Variants in RAPGEF6 observed in about 807,000 individuals in gnomAD.
RAPGEF6 encodes the protein PDZ domain containing guanine nucleotide exchange factor (GEF) 2.
RAPGEF6 carries 56 observed loss-of-function variants against 171.4 expected under a neutral mutation model. The observed-to-expected ratio is 0.33, with a 90% CI of 0.26 to 0.41. The LOEUF is 0.41. RAPGEF6 is among the 10% of genes least tolerant of loss of function. The probability of loss-of-function intolerance (pLI) is 1.00; values close to 1 mark genes in which losing one functional copy is unlikely to be tolerated. For missense variants in RAPGEF6, 1,674 were observed against 1,921.4 expected, an observed-to-expected ratio of 0.87 and a Z score of 2.41; for synonymous variants, 692 against 650.1, an observed-to-expected ratio of 1.06 and a Z score of -0.98.
chr5:131,587,631 T>C lies in RAPGEF6; in HGVS notation c.281+4752A>G, dbSNP rs73788709. Among the ~76,000 whole-genome samples the C allele has an allele frequency of 2.8e-3, 433 of 152,340 alleles. 1 individual carries two copies. The highest frequency in any genetic ancestry group is 9.5e-3 in the African/African-American group (394 of 41,564). On this transcript the variant is annotated intron_variant, in intron 4 of 27. Transcript: ENST00000509018. ...AACAATACTCCAAAATATGGTGCTTTGGCACGGTGAGTTCTTTAAAGGATA... is the reference window on the plus strand; with the variant it reads ...AACAATACTCCAAAATATGGTGCTTCGGCACGGTGAGTTCTTTAAAGGATA...
intron 16 of RAPGEF6, among the ~76,000 whole-genome samples, chr5:131,477,523 CAACT>C (rs978062493): frequency 1.3e-5 from 2 of 152,150 alleles, no homozygotes; most frequent in African/African-American, 4.8e-5. Context: ...TGAAAATACT[CAACT>C]GACTGTTCCT....
intron 6 of RAPGEF6, among the ~76,000 whole-genome samples, chr5:131,535,193 G>C (rs2149931049): frequency 6.6e-6 from 1 of 152,094 alleles, no homozygotes; most frequent in East Asian, 1.9e-4. Flanking sequence ...CGATTCCAGG[G>C]AACTGTATAG....
chr5:131,529,115 C>A (rs1187289496), intron 6 of RAPGEF6, among the ~76,000 whole-genome samples: 4 of 148,332 alleles, frequency 2.7e-5, no homozygotes, highest in Admixed American at 2.7e-4. Context: ...GAAAGAAACC[C>A]AAAAAACTCA....
intron 3 of RAPGEF6, among the ~76,000 whole-genome samples, 154 bp from the exon 4 acceptor site, chr5:131,592,620 G>T (rs1463983783): frequency 6.6e-6 from 1 of 152,064 alleles, no homozygotes; most frequent in African/African-American, 2.4e-5. Context: ...GTTGCCTAAG[G>T]TTTTATACAG....
intron 6 of RAPGEF6, among the ~76,000 whole-genome samples, chr5:131,539,520 GA>G (rs1292868462): frequency 6.6e-6 from 1 of 152,188 alleles, no homozygotes; most frequent in Non-Finnish European, 1.5e-5. Flanking sequence ...TTCTCATGAG[GA>G]GGTGGGGGCA....
At chr5:131,611,204 T>C (rs1764914926) in intron 1 of RAPGEF6, among the ~76,000 whole-genome samples, 2 of 152,246 alleles carry the variant, frequency 1.3e-5, no homozygotes, top group Non-Finnish European at 1.5e-5. Flanking sequence ...CTCTCCATTT[T>C]TGCTCAGAGG....
At chr5:131,580,034 T>C (rs1762847769) in intron 4 of RAPGEF6, among the ~76,000 whole-genome samples, 1 of 152,204 alleles carries the variant, frequency 6.6e-6, no homozygotes, top group African/African-American at 2.4e-5. Context: ...GCTGCGCGCC[T>C]GCACTCCTCA....
intron 15 of RAPGEF6, among the ~76,000 whole-genome samples, chr5:131,483,268 G>C (rs1240755469): frequency 2.0e-5 from 3 of 149,542 alleles, no homozygotes; most frequent in Non-Finnish European, 4.4e-5. Flanking sequence ...AGAATCGCTT[G>C]AACCTGGGAG....
At chr5:131,581,164 C>T (rs1033250922) in intron 4 of RAPGEF6, among the ~76,000 whole-genome samples, 10 of 152,184 alleles carry the variant, frequency 6.6e-5, no homozygotes, top group African/African-American at 1.2e-4. Flanking sequence ...CCTCTAGAAC[C>T]GCCGAGGCCT....
chr5:131,461,644 A>G, intron 19 of RAPGEF6, 61 bp downstream of exon 19: 1 of 1,457,986 alleles, frequency 6.9e-7, no homozygotes, highest in African/African-American at 1.4e-5. Context: ...CCTAAGTAGA[A>G]AATCAGCTGC....
At position 131,521,348 on chromosome 5, in the gene RAPGEF6, A is replaced by T. The variant is rs771987556; in HGVS notation, c.627+42T>A. Reference sequence around the variant, plus strand: ...CACAATCACAGAATATCTGGCAAATAAAAAAACCATATACGCAGCATACAA... The same window carrying T: ...CACAATCACAGAATATCTGGCAAATTAAAAAACCATATACGCAGCATACAA... On this transcript the variant is annotated intron_variant, in intron 7 of 27. Coordinates refer to ENST00000509018, the MANE Select transcript of RAPGEF6 (RefSeq NM_016340.6). 7.3e-6 allele frequency: 11 copies of T among 1,500,418 alleles called. No homozygotes were observed. In the South Asian group the frequency reaches 8.1e-5, roughly 11 times the overall value. The allele number at this position is 1,500,418 out of a possible 1,614,324, so 92.9% of individuals were successfully genotyped here.
chr5:131,606,417 CAATT>C (rs1764589826), intron 1 of RAPGEF6, among the ~76,000 whole-genome samples: 2 of 149,054 alleles, frequency 1.3e-5, no homozygotes, highest in African/African-American at 4.9e-5. Flanking sequence ...TAACAACTGT[CAATT>C]AACCACAGTG....
At chr5:131,561,668 A>AG (rs1360835457) in intron 5 of RAPGEF6, among the ~76,000 whole-genome samples, 1 of 151,924 alleles carries the variant, frequency 6.6e-6, no homozygotes, top group African/African-American at 2.4e-5. Context: ...CTCAAAAAAA[A>AG]AAAAAAAAAA....
At position 131,457,701 on chromosome 5, in the gene RAPGEF6, C is replaced by A. The variant is rs1400678568; in HGVS notation, c.2865-1689G>T. ...CCTGCTAATGCTGACTTTATGTATC[C>A]ACAAGTTCCTCAGGGTCAACTGCAG... is the stretch of plus-strand genomic sequence containing the variant. On this transcript the variant is annotated intron_variant, in intron 19 of 27. Coordinates refer to ENST00000509018, the MANE Select transcript of RAPGEF6 (RefSeq NM_016340.6). Among the ~76,000 whole-genome samples the A allele has an allele frequency of 3.3e-5, 5 of 152,088 alleles. No individual in the cohort carries two copies. The East Asian group carries it at 9.6e-4, about 29-fold the overall frequency.
At position 131,472,551 on chromosome 5, in the gene RAPGEF6, C is replaced by T; in HGVS notation, c.2239+36G>A. On this transcript the variant is annotated intron_variant, in intron 17 of 27. Transcript: ENST00000509018. ...TAACCATCTATTTGTTCATTTGGTACCAATACGGCAATATAAAATCACATA... is the reference window on the plus strand; with the variant it reads ...TAACCATCTATTTGTTCATTTGGTATCAATACGGCAATATAAAATCACATA... 3 of 1,592,914 alleles carry T rather than the reference C, an allele frequency of 1.9e-6. No homozygotes were observed. The South Asian group carries it at 3.3e-5, about 18-fold the overall frequency.
At chr5:131,432,944 A>C (rs938485931) in intron 25 of RAPGEF6, among the ~76,000 whole-genome samples, 6 of 152,150 alleles carry the variant, frequency 3.9e-5, no homozygotes, top group Non-Finnish European at 7.4e-5. Context: ...CTTGATTCTA[A>C]ATAGAAATTT....
chr5:131,544,599 G>T (rs1386276658), intron 6 of RAPGEF6, among the ~76,000 whole-genome samples: 18 of 152,284 alleles, frequency 1.2e-4, no homozygotes, highest in Admixed American at 1.2e-3. Context: ...TAGGGTGATG[G>T]AAGTAATCAT....
chr5:131,600,053 TTTTTG>T (rs1244964313), intron 3 of RAPGEF6, among the ~76,000 whole-genome samples: 3 of 152,238 alleles, frequency 2.0e-5, no homozygotes, highest in Non-Finnish European at 4.4e-5. Context: ...CCCGCATTTT[TTTTTG>T]TTTTAACAAC....
intron 17 of RAPGEF6, among the ~76,000 whole-genome samples, chr5:131,470,178 T>C (rs1379848687): frequency 6.6e-6 from 1 of 152,206 alleles, no homozygotes; most frequent in African/African-American, 2.4e-5. Flanking sequence ...ATAAGTTAAA[T>C]ACCTATCATA....
Sources: allele counts gnomAD v4.1 joint callset (sites outside exome capture counted in the v4.1 genomes callset), GRCh38; gene constraint gnomAD v4.1.1; transcripts MANE v1.5; gene names NCBI Gene and HGNC (gene_info 2026-07-23, HGNC 2026-07-21).